The following SEPTIN9 variants were observed in gnomAD, a reference collection of about 807,000 sequenced individuals.
The protein encoded by SEPTIN9 is septin 9.
In SEPTIN9, 13 loss-of-function variants were observed where a neutral mutation model predicts 56.6. The observed-to-expected ratio is 0.23, with a 90% CI of 0.15 to 0.37. The LOEUF (loss-of-function observed/expected upper bound fraction) is 0.37, where lower values mean the gene tolerates loss of function less well. Among genes scored for constraint, SEPTIN9 ranks in the 10% least tolerant of loss-of-function variants. The pLI is 1.00. For missense variants in SEPTIN9, 650 were observed against 823.1 expected (o/e 0.79, Z 2.57); for synonymous variants, 332 against 334.1 (o/e 0.99, Z 0.07).
rs1214833533 is a variant in SEPTIN9, at chr17:77,369,852, C to CT, written c.77-32205dup. Among the ~76,000 whole-genome samples, 8 of 152,238 alleles carry CT rather than the reference C, an allele frequency of 5.3e-5. No homozygotes were observed. The highest frequency in any genetic ancestry group is 1.0e-4 in the Non-Finnish European group (7 of 68,052). On this transcript the variant is annotated intron_variant, in intron 2 of 11. Transcript: ENST00000427177. The surrounding 1 kb of genome is among the most constrained non-coding windows in gnomAD (Gnocchi z 4.9). ...ATATGGATGTGTGCGCCAAACGCTG[C>CT]TTCCTCGTGGATTTCCTCCCCACTC...
chr17:77,306,665 C>A (rs557377454), intron 1 of SEPTIN9, among the ~76,000 whole-genome samples: 20 of 152,388 alleles, frequency 1.3e-4, no homozygotes, highest in Non-Finnish European at 2.4e-4. Flanking sequence ...TGGGTCAGGA[C>A]TGCCCGTGAG....
chr17:77,440,336 G>T (rs1273839016), intron 3 of SEPTIN9, among the ~76,000 whole-genome samples: 1 of 152,030 alleles, frequency 6.6e-6, no homozygotes, highest in Non-Finnish European at 1.5e-5. Context: ...TGTATTTTTA[G>T]TAGAGATGGG....
At chr17:77,348,108 A>G (rs2033942363) in intron 2 of SEPTIN9, among the ~76,000 whole-genome samples, 3 of 152,058 alleles carry the variant, frequency 2.0e-5, no homozygotes, top group Admixed American at 2.0e-4. Flanking sequence ...GAGTCTTGCT[A>G]TTTTATTCAT....
Position 77,445,537 on chromosome 17 carries a change from TGTGC to T in SEPTIN9, c.722-36598_722-36595del. ...ATGTGTGCACGCACGTGTGTGTGTG[TGTGC>T]GTGCGTGCTGGGTGGGTAGGGAGGA... On this transcript the variant is annotated intron_variant, in intron 3 of 11. Coordinates refer to ENST00000427177, the MANE Select transcript of SEPTIN9 (RefSeq NM_001113491.2). The surrounding 1 kb of genome is among the most constrained non-coding windows in gnomAD (Gnocchi z 4.7). The T allele has an allele frequency of 2.5e-6, 1 of 399,322 alleles. No homozygotes were observed. The highest frequency in any genetic ancestry group is 2.1e-5 in the African/African-American group (1 of 48,184). 24.7% of individuals were successfully genotyped at this position (399,322 alleles called of 1,614,324 possible).
At chr17:77,497,048 C>T (rs2040298041) in intron 10 of SEPTIN9, 1 of 552,574 alleles carries the variant, frequency 1.8e-6, no homozygotes, top group Admixed American at 3.0e-5. Context: ...TGCCATCTCC[C>T]ATTAGCCAGG....
intron 3 of SEPTIN9, chr17:77,454,138 C>T (rs1037953843): frequency 1.0e-6 from 1 of 985,864 alleles, no homozygotes; most frequent in African/African-American, 1.7e-5. Context: ...CCCCGCCGGC[C>T]CCTCTCTGCA....
intron 2 of SEPTIN9, among the ~76,000 whole-genome samples, chr17:77,395,071 T>C (rs1049643288): frequency 1.1e-4 from 16 of 147,110 alleles, no homozygotes; most frequent in Middle Eastern, 3.4e-3. Context: ...TGTATGTGTG[T>C]GTTTTTTTTT....
chr17:77,443,266 T>TC (rs910200591), intron 3 of SEPTIN9, among the ~76,000 whole-genome samples: 1 of 152,052 alleles, frequency 6.6e-6, no homozygotes, highest in African/African-American at 2.4e-5. Context: ...TGATGTTGGC[T>TC]CAAGGGGAAA....
chr17:77,364,255 C>T (rs755269722), intron 2 of SEPTIN9, among the ~76,000 whole-genome samples: 5 of 152,222 alleles, frequency 3.3e-5, no homozygotes, highest in Non-Finnish European at 2.9e-5. Context: ...GCCAAGAGCG[C>T]GAGCCGAGGC....
At chr17:77,447,717 C>T (rs1220315068) in intron 3 of SEPTIN9, among the ~76,000 whole-genome samples, 14 of 152,368 alleles carry the variant, frequency 9.2e-5, no homozygotes, top group African/African-American at 3.1e-4. Context: ...CTCCTCCTCC[C>T]GGGTTCAAGC....
chr17:77,484,859 G>A (rs200027249), intron 4 of SEPTIN9, among the ~76,000 whole-genome samples: 3,284 of 132,292 alleles, frequency 0.025, 341 homozygotes, highest in African/African-American at 0.097. Context: ...GGTGATGTGG[G>A]TGGTGGTGAT....
chr17:77,303,253 A>G (rs2143576266), intron 1 of SEPTIN9, among the ~76,000 whole-genome samples: 1 of 151,626 alleles, frequency 6.6e-6, no homozygotes, highest in East Asian at 2.0e-4. Context: ...GGCGAATGCC[A>G]CCACGCCCGG....
At chr17:77,479,445 G>T (rs1272428136) in intron 3 of SEPTIN9, among the ~76,000 whole-genome samples, 1 of 152,236 alleles carries the variant, frequency 6.6e-6, no homozygotes, top group African/African-American at 2.4e-5. Context: ...GCCTGCCTGC[G>T]GGCCAGCCGG....
In SEPTIN9 at chr17:77,394,407, C is replaced by T. The variant is rs567573017; in HGVS notation, c.77-7652C>T. On this transcript the variant is annotated intron_variant, in intron 2 of 11. Coordinates refer to ENST00000427177, the MANE Select transcript of SEPTIN9 (RefSeq NM_001113491.2). ...TCCCTACTCCTTGGCACCATCTGTC[C>T]GGCTTCCCTGAGCCCTGACCCTGGC... Among the ~76,000 whole-genome samples the T allele has an allele frequency of 1.2e-4, 18 of 152,298 alleles. No individual in the cohort carries two copies. The East Asian group carries it at 3.3e-3, about 28-fold the overall frequency.
At chr17:77,299,697 C>T (rs1598483588) in intron 1 of SEPTIN9, among the ~76,000 whole-genome samples, 1 of 152,238 alleles carries the variant, frequency 6.6e-6, no homozygotes, top group African/African-American at 2.4e-5. Context: ...CAGGGAGGCT[C>T]TGTGGGTCCT....
At position 77,475,428 on chromosome 17, in the gene SEPTIN9, A is replaced by G. The variant is rs2039167905; in HGVS notation, c.722-6716A>G. ...CCTGGCCGGACACTGTCCTCCTAGC[A>G]TTGCCTGCATCAGGGACTCACTCAG... On this transcript the variant is annotated intron_variant, in intron 3 of 11. Transcript: ENST00000427177. The surrounding 1 kb of genome is among the most constrained non-coding windows in gnomAD (Gnocchi z 4.6). 5 of 1,501,896 alleles carry G rather than the reference A, an allele frequency of 3.3e-6. No homozygotes were observed. Among genetic ancestry groups the G allele is most frequent in the African/African-American group, 1.4e-5 (1 of 71,824 alleles). The allele number at this position is 1,501,896 out of a possible 1,614,324, so 93.0% of individuals were successfully genotyped here. A position where few individuals can be genotyped will look rare whatever the true frequency, so the allele number is the denominator to read the frequency against.
chr17:77,405,630 G>A lies in SEPTIN9; in HGVS notation c.721+2927G>A, dbSNP rs915091718. The stretch of plus-strand genomic sequence containing the variant: ...TCCAGGTGGAGGAAATGCAGGGACA[G>A]ACGAGGGCAGGGCCTTCCCAATGGA... On this transcript the variant is annotated intron_variant, in intron 3 of 11. Coordinates refer to ENST00000427177, the MANE Select transcript of SEPTIN9 (RefSeq NM_001113491.2). The surrounding 1 kb of genome is among the most constrained non-coding windows in gnomAD (Gnocchi z 5.8). 3.9e-5 allele frequency among the ~76,000 whole-genome samples: 6 copies of A among 152,138 alleles called. No homozygotes were observed. The highest frequency in any genetic ancestry group is 1.4e-4 in the African/African-American group (6 of 41,406).
At chr17:77,428,805 G>A in intron 3 of SEPTIN9, 1 of 365,854 alleles carries the variant, frequency 2.7e-6, no homozygotes, top group South Asian at 2.0e-5. Context: ...TACTCATGTG[G>A]GCCCAAAGGA....
At chr17:77,384,385 A>G (rs2035256664) in intron 2 of SEPTIN9, among the ~76,000 whole-genome samples, 1 of 152,062 alleles carries the variant, frequency 6.6e-6, no homozygotes, top group Non-Finnish European at 1.5e-5. Context: ...GAGACTTGGC[A>G]GCTGAGGCTG....
Sources: allele counts gnomAD v4.1 joint callset (sites outside exome capture counted in the v4.1 genomes callset), GRCh38; gene constraint gnomAD v4.1.1; non-coding constraint Gnocchi (gnomAD v3.1); transcripts MANE v1.5; gene names NCBI Gene and HGNC (gene_info 2026-07-23, HGNC 2026-07-21).